Variants in JMJD7 observed in about 807,000 individuals in gnomAD.
JMJD7 encodes the protein bifunctional peptidase and (3S)-lysyl hydroxylase JMJD7.
A neutral mutation model predicts 41.1 loss-of-function variants in JMJD7; 41 were observed. The observed-to-expected ratio is 1.00, with a 90% CI of 0.78 to 1.30. JMJD7 has a LOEUF of 1.30. Among genes scored for constraint, JMJD7 ranks in the 50% most tolerant of loss-of-function variants. The pLI, the probability that JMJD7 is intolerant of heterozygous loss-of-function variation, is 0.00. For synonymous variants in JMJD7, 202 were observed against 177.2 expected, an observed-to-expected ratio of 1.14 and a Z score of -1.11; for missense variants, 480 against 420.7, an observed-to-expected ratio of 1.14 and a Z score of -1.23.
chr15:41,833,414 A>ATATTTTTTTT (rs1239528383), intron 1 of JMJD7, among the ~76,000 whole-genome samples: 6 of 32,012 alleles, frequency 1.9e-4, no homozygotes, highest in African/African-American at 2.8e-4. Flanking sequence ...ATATATATAT[A>ATATTTTTTTT]TTTTTTTTTT....
At position 41,836,952 on chromosome 15, in the gene JMJD7, C is replaced by T; in HGVS notation, c.862+12C>T. The stretch of plus-strand genomic sequence containing the variant: ...GGGCTGCATCGCAGGTGAAGAGTTG[C>T]CCAGGCCGCCTGGGGAGAGGCCCTG... On this transcript the variant is annotated intron_variant, in intron 7 of 7. Transcript: ENST00000397299. 6.2e-7 allele frequency: 1 copy of T among 1,612,016 alleles called. No individual in the cohort carries two copies. The highest frequency in any genetic ancestry group is 8.5e-7 in the Non-Finnish European group (1 of 1,178,584).
At chr15:41,836,688 A>G in intron 6 of JMJD7, 93 bp from the exon 7 acceptor site, 1 of 1,483,958 alleles carries the variant, frequency 6.7e-7, no homozygotes. Flanking sequence ...TGCTGAGCCA[A>G]GCAGGGCCTG....
At position 41,835,162 on chromosome 15, in the gene JMJD7, C is replaced by T. The variant is rs752091465; in HGVS notation, c.411C>T (p.Ser137=). The change falls in exon 3 of 8, where the codon AGC becomes AGT. Residue 137 remains serine (S), a synonymous_variant. Transcript: ENST00000397299. The part of the protein sequence containing the change: ...YVQKQCSNLP[S]ELPQLLPDLE... ...AGAAGCAGTGCTCCAACCTGCCCAG[C>T]GAGCTGCCCCAGCTGCTGCCTGATC... The T allele has an allele frequency of 5.0e-6, 8 of 1,604,900 alleles. 1 individual carries two copies. Among genetic ancestry groups the T allele is most frequent in the South Asian group, 2.2e-5 (2 of 91,090 alleles).
intron 2 of JMJD7, 34 bp from the exon 3 acceptor site, chr15:41,834,936 C>T (rs2065287453): frequency 1.2e-6 from 2 of 1,613,482 alleles, no homozygotes; most frequent in Non-Finnish European, 1.7e-6. Context: ...TGATTACTGG[C>T]ATCTGGGCAT....
At position 41,834,653 on chromosome 15, in the gene JMJD7, G is replaced by A. The variant is rs377468339; in HGVS notation, c.65-87G>A. 150 of 1,548,576 alleles carry A rather than the reference G, an allele frequency of 9.7e-5. 1 individual carries two copies. In the Middle Eastern group the frequency reaches 1.7e-3, roughly 18 times the overall value. On this transcript the variant is annotated intron_variant, in intron 1 of 7. Coordinates refer to ENST00000397299, the MANE Select transcript of JMJD7 (RefSeq NM_001114632.2). ...CGAGCATTTCCCAGTGACACAGCGC[G>A]GCCTTTCCAGGGAGGGCATCTCTTG...
chr15:41,833,389 A>AATATATATATATATATATAT (rs1567164757), intron 1 of JMJD7, among the ~76,000 whole-genome samples: 2 of 103,518 alleles, frequency 1.9e-5, no homozygotes, highest in Admixed American at 1.1e-4. Context: ...ATGTAGGTGA[A>AATATATATATATATATATAT]ATACATATAT....
At chr15:41,828,398 G>A (rs2065173111) in intron 1 of JMJD7, 2 of 519,940 alleles carry the variant, frequency 3.8e-6, no homozygotes, top group Admixed American at 4.4e-5. Flanking sequence ...CCCAAGGCCC[G>A]GTGCCGTCTT....
intron 1 of JMJD7, among the ~76,000 whole-genome samples, chr15:41,834,340 G>T (rs1249868534): frequency 6.6e-6 from 1 of 152,222 alleles, no homozygotes; most frequent in Non-Finnish European, 1.5e-5. Flanking sequence ...ACCCAGAATA[G>T]CCCGTGGCCA....
chr15:41,837,266 C>A lies in JMJD7; in HGVS notation c.*110C>A. 1 of 718,314 alleles carries A rather than the reference C, an allele frequency of 1.4e-6. No homozygotes were observed. The highest frequency in any genetic ancestry group is 1.7e-5 in the South Asian group (1 of 57,916). The allele number at this position is 718,314 out of a possible 1,614,324, so 44.5% of individuals were successfully genotyped here. A position where few individuals can be genotyped will look rare whatever the true frequency, so the allele number is the denominator to read the frequency against. ...GAGTGTGCATGCTGGCTGCTGGCCC[C>A]GGGTCCAGCATGGCTTGAGATCAGC... On this transcript the variant is annotated 3_prime_UTR_variant, in exon 8 of 8. Transcript: ENST00000397299.
chr15:41,836,838 A>C lies in JMJD7; in HGVS notation c.760A>C (p.Ser254Arg). 6.2e-7 allele frequency: 1 copy of C among 1,613,034 alleles called. No homozygotes were observed. Among genetic ancestry groups the C allele is most frequent in the Non-Finnish European group, 8.5e-7 (1 of 1,179,704 alleles). ...APDLARYPSY[S>R]QAQALRCTVR... ...AGACCTAGCACGGTACCCTAGTTAC[A>C]GTCAGGCCCAGGCCCTTCGCTGCAC... The change falls in exon 7 of 8, where the codon AGT (serine) becomes CGT (arginine). Residue 254 changes from serine (S) to arginine (R), a missense_variant. Ser to Arg is a moderately radical substitution (Grantham distance 110). Coordinates refer to ENST00000397299, the MANE Select transcript of JMJD7 (RefSeq NM_001114632.2).
At position 41,836,473 on chromosome 15, in the gene JMJD7, A is replaced by G; in HGVS notation, c.626-2A>G. ...CCCACACCCTTCTCCCTTGGGCTCC[A>G]GAGCTGTACACGCCGGCAACCTACC... On this transcript the variant is annotated splice_acceptor_variant, in intron 5 of 7. Coordinates refer to ENST00000397299, the MANE Select transcript of JMJD7 (RefSeq NM_001114632.2). LOFTEE classifies it high-confidence loss of function. 1 of 1,580,070 alleles carries G rather than the reference A, an allele frequency of 6.3e-7. No individual in the cohort carries two copies. The highest frequency in any genetic ancestry group is 2.3e-5 in the East Asian group (1 of 43,790).
Position 41,828,152 on chromosome 15 carries a change from C to T in JMJD7, c.28C>T (p.Arg10Trp), listed in dbSNP as rs2065164304. Residue 10 changes from arginine (R) to tryptophan (W), a missense_variant, in exon 1 of 8, where the codon CGG (arginine) becomes TGG (tryptophan). Coordinates refer to ENST00000397299, the MANE Select transcript of JMJD7 (RefSeq NM_001114632.2). MAEAALEAV[R>W]SELREFPAAA... Reference sequence around the variant, plus strand: ...GGCGGAGGCGGCTTTGGAAGCCGTGCGGAGCGAGTTACGAGAATTCCCGGC... The same window carrying T: ...GGCGGAGGCGGCTTTGGAAGCCGTGTGGAGCGAGTTACGAGAATTCCCGGC... 5 of 1,486,056 alleles carry T rather than the reference C, an allele frequency of 3.4e-6. No homozygotes were observed. Among genetic ancestry groups the T allele is most frequent in the East Asian group, 5.5e-5 (2 of 36,470 alleles). The allele number at this position is 1,486,056 out of a possible 1,614,324, so 92.1% of individuals were successfully genotyped here.
At chr15:41,833,459 C>T (rs1033505613) in intron 1 of JMJD7, among the ~76,000 whole-genome samples, 3 of 112,594 alleles carry the variant, frequency 2.7e-5, no homozygotes, top group Non-Finnish European at 5.3e-5. Flanking sequence ...CTTGCTCTGT[C>T]ACCCAGGCTG....
intron 1 of JMJD7, among the ~76,000 whole-genome samples, chr15:41,829,636 T>G (rs1331680172): frequency 1.3e-5 from 2 of 152,252 alleles, no homozygotes; most frequent in African/African-American, 4.8e-5. Flanking sequence ...AGCAATTGTT[T>G]GGATCCCTTT....
intron 1 of JMJD7, among the ~76,000 whole-genome samples, chr15:41,833,065 G>A (rs1212687987): frequency 6.6e-6 from 1 of 152,204 alleles, no homozygotes; most frequent in Non-Finnish European, 1.5e-5. Flanking sequence ...CTAAGGAGCA[G>A]TGGTAAGCCA....
At chr15:41,828,446 C>G (rs1481995936) in intron 1 of JMJD7, 2 of 391,158 alleles carry the variant, frequency 5.1e-6, no homozygotes, top group Non-Finnish European at 9.0e-6. Flanking sequence ...TTCCTACAGT[C>G]TTGAGCAGCT....
intron 4 of JMJD7, 26 bp from the exon 5 acceptor site, chr15:41,836,122 C>T (rs2065309491): frequency 1.3e-6 from 2 of 1,567,312 alleles, no homozygotes; most frequent in Middle Eastern, 3.4e-4. Flanking sequence ...CCATACCCTG[C>T]CCCCGGGCCT....
At chr15:41,830,470 G>A (rs915786018) in intron 1 of JMJD7, among the ~76,000 whole-genome samples, 1 of 152,234 alleles carries the variant, frequency 6.6e-6, no homozygotes, top group Non-Finnish European at 1.5e-5. Flanking sequence ...GGCGGGAACT[G>A]GGGACAAGTG....
At chr15:41,833,406 A>AT (rs1567164793) in intron 1 of JMJD7, among the ~76,000 whole-genome samples, 2 of 40,848 alleles carry the variant, frequency 4.9e-5, no homozygotes, top group African/African-American at 7.3e-5. Flanking sequence ...ATATATATAT[A>AT]TATATATATT....
Sources: gnomAD v4.1 joint callset for allele counts (sites outside exome capture counted in the v4.1 genomes callset) on GRCh38, gnomAD v4.1.1 for gene constraint, MANE v1.5 for transcripts, NCBI Gene and HGNC (gene_info 2026-07-23, HGNC 2026-07-21) for gene names.